Variants in ZNF782 observed in about 807,000 individuals in gnomAD.
The protein encoded by ZNF782 is zinc finger protein 782.
Under a neutral mutation model 13.0 loss-of-function variants are expected in ZNF782, and 12 were observed. The observed-to-expected ratio is 0.92, with a 90% CI of 0.59 to 1.50. ZNF782 has a LOEUF of 1.50. ZNF782 is among the 40% of genes most tolerant of loss of function. The pLI is 0.00. For missense variants in ZNF782, 770 were observed against 822.9 expected (o/e 0.94, Z 0.79); for synonymous variants, 284 against 283.0 (o/e 1.00, Z -0.04).
intron 4 of ZNF782, among the ~76,000 whole-genome samples, chr9:96,838,717 C>CTTTTT (rs139436021): frequency 1.5e-5 from 2 of 136,192 alleles, no homozygotes; most frequent in Non-Finnish European, 1.6e-5. Flanking sequence ...TTTTTCTTTT[C>CTTTTT]TTTTTTTTTT....
chr9:96,866,877 C>T (rs1183790301), intron 1 of ZNF782, among the ~76,000 whole-genome samples: 2 of 152,226 alleles, frequency 1.3e-5, no homozygotes. Flanking sequence ...TTCGGACTTG[C>T]CTGGGGCCTG....
the ZNF782 span, chr9:96,931,751 G>A: frequency 1.4e-5 from 22 of 1,611,342 alleles, no homozygotes; most frequent in African/African-American, 9.4e-5. Flanking sequence ...CGGCGTGACC[G>A]TGAACCCTGG....
At chr9:96,825,620 A>G (rs1850589744) in intron 5 of ZNF782, among the ~76,000 whole-genome samples, 1 of 151,792 alleles carries the variant, frequency 6.6e-6, no homozygotes, top group Non-Finnish European at 1.5e-5. Context: ...TGAACAGACA[A>G]CCTACAAAAT....
intron 4 of ZNF782, among the ~76,000 whole-genome samples, chr9:96,832,407 G>T (rs1002748488): frequency 2.6e-5 from 4 of 152,158 alleles, no homozygotes; most frequent in African/African-American, 7.2e-5. Flanking sequence ...CAGGCATATT[G>T]TATCTACCAG....
At chr9:96,877,639 C>A (rs1229127958), upstream of ZNF782, among the ~76,000 whole-genome samples, 1 of 152,216 alleles carries the variant, frequency 6.6e-6, no homozygotes, top group Non-Finnish European at 1.5e-5. Flanking sequence ...GGGGTTCGGG[C>A]GGGGTCCGTT....
the ZNF782 span, among the ~76,000 whole-genome samples, chr9:96,907,931 G>A: frequency 6.2e-4 from 94 of 151,728 alleles, no homozygotes; most frequent in Non-Finnish European, 1.2e-3. Context: ...GTGAGCCACC[G>A]TGCCCGGCCT....
the ZNF782 span, among the ~76,000 whole-genome samples, chr9:96,929,205 G>A: frequency 6.6e-6 from 1 of 152,184 alleles, no homozygotes; most frequent in Non-Finnish European, 1.5e-5. Context: ...CCCTGAGTCT[G>A]TGGTTAGGGA....
intron 5 of ZNF782, among the ~76,000 whole-genome samples, chr9:96,824,582 G>A (rs1330319520): frequency 1.4e-5 from 2 of 145,960 alleles, no homozygotes; most frequent in African/African-American, 2.5e-5. Context: ...AGGAAATAAA[G>A]GGTATTCAAT....
chr9:96,884,005 A>C, the ZNF782 span, among the ~76,000 whole-genome samples: 1 of 152,304 alleles, frequency 6.6e-6, no homozygotes, highest in Admixed American at 6.5e-5. Context: ...TGAATAGAAA[A>C]GCTTTTAGCA....
upstream of ZNF782, among the ~76,000 whole-genome samples, chr9:96,876,943 C>CAAAAAAAAAAAAAAAAAAAAAAAAAAAA (rs398011569): frequency 4.4e-4 from 19 of 42,820 alleles, no homozygotes; most frequent in South Asian, 2.1e-3. Context: ...AACTCCGACT[C>CAAAAAAAAAAAAAAAAAAAAAAAAAAAA]AAAAAAAAAA....
At chr9:96,858,094 C>T (rs1851665640), upstream of ZNF782, among the ~76,000 whole-genome samples, 1 of 152,140 alleles carries the variant, frequency 6.6e-6, no homozygotes, top group Non-Finnish European at 1.5e-5. This position sits in a 1 kb window ranked among gnomAD's most constrained non-coding sequence, Gnocchi z 4.4. Flanking sequence ...GGTCTAGGGC[C>T]TCTAGACTGT....
At chr9:96,911,311 C>T in the ZNF782 span, among the ~76,000 whole-genome samples, 2 of 143,070 alleles carry the variant, frequency 1.4e-5, no homozygotes, top group Non-Finnish European at 3.0e-5. Flanking sequence ...CGGTGGCGGG[C>T]GCCTGTAGTC....
At position 96,852,963 on chromosome 9, in the gene ZNF782, T is replaced by C. The variant is rs1231895802; in HGVS notation, c.-155A>G. 6.6e-6 allele frequency: 1 copy of C among 152,574 alleles called. No individual in the cohort carries two copies. The highest frequency in any genetic ancestry group is 1.9e-4 in the East Asian group (1 of 5,192). 9.5% of individuals were successfully genotyped at this position (152,574 alleles called of 1,614,324 possible). A position where few individuals can be genotyped will look rare whatever the true frequency, so the allele number is the denominator to read the frequency against. On this transcript the variant is annotated 5_prime_UTR_variant, in exon 2 of 6. The change abolishes the stop of an existing upstream ORF in the 5' untranslated region. Coordinates refer to ENST00000481138, the MANE Select transcript of ZNF782 (RefSeq NM_001001662.3). Reference sequence around the variant, plus strand: ...AATGTCTTTAAAGCTTTCAAAAGAATCAGAAGTAGATAGCCACGGAAAACC... The same window carrying C: ...AATGTCTTTAAAGCTTTCAAAAGAACCAGAAGTAGATAGCCACGGAAAACC...
chr9:96,854,618 T>C (rs1011401268), upstream of ZNF782: 3 of 152,250 alleles, frequency 2.0e-5, no homozygotes, highest in Non-Finnish European at 4.4e-5. Flanking sequence ...TGCGTCCGCC[T>C]TCGACGTGAC....
At chr9:96,898,354 A>G in the ZNF782 span, among the ~76,000 whole-genome samples, 1 of 147,978 alleles carries the variant, frequency 6.8e-6, no homozygotes, top group African/African-American at 2.6e-5. Flanking sequence ...TTGTGTTTCT[A>G]TGAATTTACC....
rs1185833318 is a variant in ZNF782, at chr9:96,849,335, G to A, written c.15+2612C>T. Among the ~76,000 whole-genome samples, 11 of 152,296 alleles carry A rather than the reference G, an allele frequency of 7.2e-5. No homozygotes were observed. The South Asian group carries it at 1.9e-3, about 26-fold the overall frequency. ...TGATCTGACAGGAGGTAGAGCTCAG[G>A]TGGTAATGCTTACTAGCCTGCTGCT... On this transcript the variant is annotated intron_variant, in intron 3 of 5. Transcript: ENST00000481138.
chr9:96,855,045 T>TTGACC (rs1351174666), upstream of ZNF782, among the ~76,000 whole-genome samples: 2 of 152,216 alleles, frequency 1.3e-5, no homozygotes, highest in East Asian at 3.9e-4. Context: ...ACCCGACCCA[T>TTGACC]TGACCTGTGA....
At chr9:96,875,578 C>G (rs965261096) in exon 1 of ZNF782, 1 of 456,726 alleles carries the variant, frequency 2.2e-6, no homozygotes, top group East Asian at 7.0e-5. Context: ...TATAAACGGG[C>G]TCTCCTCTGC....
At chr9:96,878,657 T>C (rs1409383193), upstream of ZNF782, among the ~76,000 whole-genome samples, 4 of 152,246 alleles carry the variant, frequency 2.6e-5, no homozygotes, top group South Asian at 2.1e-4. Flanking sequence ...CTTAACTACA[T>C]TGTAGGGAAT....
Sources: allele counts gnomAD v4.1 joint callset (sites outside exome capture counted in the v4.1 genomes callset), GRCh38; gene constraint gnomAD v4.1.1; non-coding constraint Gnocchi (gnomAD v3.1); transcripts MANE v1.5; gene names NCBI Gene and HGNC (gene_info 2026-07-23, HGNC 2026-07-21).